Variants in ADGRV1 observed in about 807,000 individuals in gnomAD.
ADGRV1 encodes adhesion G protein-coupled receptor V1, also known as G-protein coupled receptor 98.
ADGRV1 carries 359 observed loss-of-function variants against 596.2 expected under a neutral mutation model. The ratio of observed to expected loss-of-function variants is 0.60; its 90% confidence interval spans 0.55 to 0.66. The LOEUF (loss-of-function observed/expected upper bound fraction) is 0.66. ADGRV1 is among the 30% of genes least tolerant of loss of function. The pLI is 0.00. For synonymous variants in ADGRV1, 2,681 were observed against 2,679.2 expected (o/e 1.00, Z -0.02); for missense variants, 7,274 against 7,575.6 (o/e 0.96, Z 1.48).
At position 90,740,598 on chromosome 5, in the gene ADGRV1, C is replaced by A. The variant is rs997930029; in HGVS notation, c.10550-4448C>A. On this transcript the variant is annotated intron_variant, in intron 50 of 89. Transcript: ENST00000405460. ...GGGTATTCTTTCTGGTGGTGTGCCT[C>A]CACTGGCCACAAGGCAGAGCCGCCA... Among the ~76,000 whole-genome samples, 4 of 152,164 alleles carry A rather than the reference C, an allele frequency of 2.6e-5. No homozygotes were observed. In the East Asian group the frequency reaches 7.7e-4, roughly 29 times the overall value.
chr5:90,782,406 A>C (rs1758944483), intron 65 of ADGRV1, among the ~76,000 whole-genome samples: 1 of 152,002 alleles, frequency 6.6e-6, no homozygotes, highest in African/African-American at 2.4e-5. Context: ...TTTTCAGTTC[A>C]TTGTTTTCTG....
At chr5:90,619,703 A>C (rs1171915114) in intron 4 of ADGRV1, among the ~76,000 whole-genome samples, 4 of 151,098 alleles carry the variant, frequency 2.6e-5, no homozygotes, top group Non-Finnish European at 5.9e-5. Context: ...TGCACCCATT[A>C]ACTCGTCATT....
chr5:90,734,624 C>T (rs376789572), intron 50 of ADGRV1, among the ~76,000 whole-genome samples: 121 of 135,350 alleles, frequency 8.9e-4, no homozygotes, highest in African/African-American at 3.2e-3. Context: ...CTTGCTCTGT[C>T]GCCCAGGCTA....
intron 21 of ADGRV1, among the ~76,000 whole-genome samples, chr5:90,670,407 A>G (rs972917516): frequency 2.0e-5 from 3 of 152,214 alleles, no homozygotes; most frequent in African/African-American, 4.8e-5. Flanking sequence ...TACTGCTTCA[A>G]CCCTGAGCAG....
chr5:90,803,334 A>G (rs1761582433), intron 71 of ADGRV1, among the ~76,000 whole-genome samples: 1 of 152,190 alleles, frequency 6.6e-6, no homozygotes, highest in Non-Finnish European at 1.5e-5. Flanking sequence ...TCGTTGTAGG[A>G]AAGATTATTT....
chr5:90,896,267 GTTTTTTTTTTT>G (rs547252109), intron 83 of ADGRV1, among the ~76,000 whole-genome samples: 1 of 84,858 alleles, frequency 1.2e-5, no homozygotes, highest in Non-Finnish European at 2.1e-5. Context: ...GTGACCAGTG[GTTTTTTTTTTT>G]TTTTTTTTTT....
At chr5:90,796,668 T>C (rs1760752939) in intron 70 of ADGRV1, among the ~76,000 whole-genome samples, 1 of 152,022 alleles carries the variant, frequency 6.6e-6, no homozygotes, top group Non-Finnish European at 1.5e-5. Flanking sequence ...AGACACATAA[T>C]TGTCAGATTC....
chr5:90,721,574 AAT>A (rs1315028063), intron 45 of ADGRV1, among the ~76,000 whole-genome samples: 5 of 133,032 alleles, frequency 3.8e-5, no homozygotes, highest in South Asian at 2.6e-4. Flanking sequence ...AATAAAATAA[AAT>A]AAAATAAAAT....
chr5:90,584,775 G>C (rs1580351376), intron 1 of ADGRV1, among the ~76,000 whole-genome samples: 1 of 152,208 alleles, frequency 6.6e-6, no homozygotes, highest in East Asian at 1.9e-4. Flanking sequence ...AAGCCAGCCT[G>C]TCTTTGCTAG....
chr5:91,115,001 G>A (rs1385061494), intron 87 of ADGRV1, among the ~76,000 whole-genome samples: 1 of 152,098 alleles, frequency 6.6e-6, no homozygotes, highest in Non-Finnish European at 1.5e-5. Context: ...CTGTAAACTA[G>A]AAAGTCCCTC....
chr5:90,852,331 T>A (rs1581325531), intron 79 of ADGRV1, among the ~76,000 whole-genome samples: 2 of 152,220 alleles, frequency 1.3e-5, no homozygotes, highest in South Asian at 4.1e-4. Context: ...TGACAAGATA[T>A]CATGTAAATC....
At position 90,759,420 on chromosome 5, in the gene ADGRV1, G is replaced by A. The variant is rs267600731; in HGVS notation, c.11952G>A (p.Met3984Ile). The change falls in exon 58 of 90, where the codon ATG (methionine) becomes ATA (isoleucine). Residue 3984 changes from methionine (M) to isoleucine (I), a missense_variant. By Grantham distance (10) the Met-to-Ile change is conservative. This residue lies in a region of ADGRV1 where 3,643 missense variants were observed against 3,809.2 expected (regional missense o/e 0.96). Coordinates refer to ENST00000405460, the MANE Select transcript of ADGRV1 (RefSeq NM_032119.4). ...CCTTTCTTTCATAGGTTACTGCAAT[G>A]ATAGAAATCACCATAATTGATGATG... ...LEFADKQVTA[M>I]IEITIIDDAE... 1.3e-6 allele frequency: 2 copies of A among 1,558,426 alleles called. No homozygotes were observed. The highest frequency in any genetic ancestry group is 1.2e-5 in the South Asian group (1 of 84,766).
At chr5:90,580,938 G>T (rs6890465) in intron 1 of ADGRV1, among the ~76,000 whole-genome samples, 13,417 of 151,882 alleles carry the variant, frequency 0.088, 1,809 homozygotes, top group African/African-American at 0.3. Context: ...TTTTTTGAAG[G>T]CTTTGTTCGT....
At chr5:90,742,417 G>A (rs551700313) in intron 50 of ADGRV1, among the ~76,000 whole-genome samples, 1 of 152,184 alleles carries the variant, frequency 6.6e-6, no homozygotes, top group Non-Finnish European at 1.5e-5. Flanking sequence ...GTGAGCATGT[G>A]CTTTTAGGGA....
chr5:90,692,112 AC>A (rs1474384450), intron 31 of ADGRV1, among the ~76,000 whole-genome samples: 10 of 152,180 alleles, frequency 6.6e-5, no homozygotes, highest in African/African-American at 2.4e-4. Flanking sequence ...ATTCATTAGC[AC>A]ATAAAAAACA....
rs767436787 is a variant in ADGRV1, at chr5:90,614,929, T to G, written c.117T>G (p.Thr39=). The G allele has an allele frequency of 1.9e-6, 3 of 1,601,696 alleles. No homozygotes were observed. Among genetic ancestry groups the G allele is most frequent in the Middle Eastern group, 3.3e-4 (2 of 6,014 alleles). Residue 39 remains threonine, a synonymous_variant, in exon 2 of 90, where the codon ACT becomes ACG. Coordinates refer to ENST00000405460, the MANE Select transcript of ADGRV1 (RefSeq NM_032119.4). ...GETEIRFTGQ[T]EFVVNETSTT... Reference sequence around the variant, plus strand: ...CAGAAATAAGATTTACTGGACAAACTGAATTTGTTGTTAATGAAACAAGTA... The same window carrying G: ...CAGAAATAAGATTTACTGGACAAACGGAATTTGTTGTTAATGAAACAAGTA...
At chr5:90,959,121 C>T (rs1363676651) in intron 83 of ADGRV1, among the ~76,000 whole-genome samples, 1 of 152,020 alleles carries the variant, frequency 6.6e-6, no homozygotes, top group East Asian at 1.9e-4. Flanking sequence ...AAAACAGCTC[C>T]TCAAACTAAT....
intron 1 of ADGRV1, among the ~76,000 whole-genome samples, chr5:90,597,225 A>G (rs1317182037): frequency 6.6e-6 from 1 of 152,214 alleles, no homozygotes; most frequent in Non-Finnish European, 1.5e-5. Context: ...GAGGTAGCTC[A>G]GTGGAAGTGT....
chr5:90,972,412 C>T (rs566451040), intron 84 of ADGRV1, among the ~76,000 whole-genome samples: 2 of 152,280 alleles, frequency 1.3e-5, no homozygotes, highest in African/African-American at 4.8e-5. Context: ...CTTCTCAGCA[C>T]CACATCGCAC....
Sources: gnomAD v4.1 joint callset for allele counts (sites outside exome capture counted in the v4.1 genomes callset) on GRCh38, gnomAD v4.1.1 for gene constraint, gnomAD v4.1.1 regional missense constraint, MANE v1.5 for transcripts, NCBI Gene and HGNC (gene_info 2026-07-23, HGNC 2026-07-21) for gene names.